The following GSDMD variants were observed in gnomAD, a reference collection of about 807,000 sequenced individuals.
GSDMD encodes the protein gasdermin D.
A neutral mutation model predicts 46.7 loss-of-function variants in GSDMD; 46 were observed. The observed-to-expected ratio is 0.99, with a 90% CI of 0.78 to 1.26. The LOEUF (loss-of-function observed/expected upper bound fraction) is 1.26. GSDMD is among the 50% of genes most tolerant of loss of function. The pLI, the probability that GSDMD is intolerant of heterozygous loss-of-function variation, is 0.00. For missense variants in GSDMD, 649 were observed against 638.8 expected, an observed-to-expected ratio of 1.02 and a Z score of -0.17; for synonymous variants, 307 against 283.1, an observed-to-expected ratio of 1.08 and a Z score of -0.85.
upstream of GSDMD, chr8:143,558,219 G>C: frequency 8.5e-7 from 1 of 1,173,682 alleles, no homozygotes; most frequent in Non-Finnish European, 1.1e-6. Context: ...GCCAAGCCAA[G>C]GTTCCTCCGG....
chr8:143,553,581 C>T (rs1317025878), upstream of GSDMD: 1 of 146,944 alleles, frequency 6.8e-6, no homozygotes, highest in African/African-American at 2.4e-5. Flanking sequence ...AGGGTTCTGC[C>T]CTCAACACTT....
Position 143,562,323 on chromosome 8 carries a change from G to A in GSDMD, c.1111G>A (p.Val371Ile). 1.4e-6 allele frequency: 2 copies of A among 1,444,122 alleles called. No homozygotes were observed. The highest frequency in any genetic ancestry group is 1.8e-6 in the Non-Finnish European group (2 of 1,081,632). The allele number at this position is 1,444,122 out of a possible 1,614,324, so 89.5% of individuals were successfully genotyped here. ...GMLVPELAIP[V>I]VYLLGALTML... ...GCTGGTGCCGGAACTCGCTATCCCT[G>A]TTGTCTACCTGCTGGGGGCACTGAC... Residue 371 changes from valine to isoleucine, a missense_variant, in exon 9 of 11, where the codon GTT becomes ATT. Physicochemically the swap from Val to Ile is conservative, Grantham distance 29. Coordinates refer to ENST00000262580, the MANE Select transcript of GSDMD (RefSeq NM_024736.7).
chr8:143,555,395 TC>T (rs1212195245), upstream of GSDMD, among the ~76,000 whole-genome samples: 2 of 152,148 alleles, frequency 1.3e-5, no homozygotes, highest in Non-Finnish European at 2.9e-5. Context: ...CCTGGACACC[TC>T]CAGCTGGGCT....
chr8:143,561,554 C>A, intron 6 of GSDMD, 131 bp downstream of exon 6: 1 of 971,896 alleles, frequency 1.0e-6, no homozygotes, highest in Non-Finnish European at 1.5e-6. Context: ...GGGCACCCCC[C>A]ATACACACAC....
intron 2 of GSDMD, 48 bp downstream of exon 2, chr8:143,559,600 G>A: frequency 6.4e-7 from 1 of 1,563,960 alleles, no homozygotes; most frequent in Non-Finnish European, 8.7e-7. Context: ...CTGGATGGGA[G>A]AGGGGAGCGG....
chr8:143,560,783 G>A lies in GSDMD; in HGVS notation c.579+12G>A, dbSNP rs1410357087. On this transcript the variant is annotated intron_variant, in intron 4 of 10. Transcript: ENST00000262580. Reference sequence around the variant, plus strand: ...CCACGTGCTTGCAGGTGTGTAGCCAGCCCCGGGCCACGCCTGGCCCCCCAC... The same window carrying A: ...CCACGTGCTTGCAGGTGTGTAGCCAACCCCGGGCCACGCCTGGCCCCCCAC... 1 of 1,519,980 alleles carries A rather than the reference G, an allele frequency of 6.6e-7. No homozygotes were observed. Among genetic ancestry groups the A allele is most frequent in the African/African-American group, 1.4e-5 (1 of 72,048 alleles). The allele number at this position is 1,519,980 out of a possible 1,614,324, so 94.2% of individuals were successfully genotyped here. A position where few individuals can be genotyped will look rare whatever the true frequency, so the allele number is the denominator to read the frequency against.
At position 143,562,848 on chromosome 8, in the gene GSDMD, T is replaced by A. The variant is rs1442835277; in HGVS notation, c.1399T>A (p.Cys467Ser). ...GGAGCCGCAGGCCCAGGGCCGCATGTGTGCACTCTACGCCTCCCTGGCACT... is the reference window on the plus strand; with the variant it reads ...GGAGCCGCAGGCCCAGGGCCGCATGAGTGCACTCTACGCCTCCCTGGCACT... ...CWEPQAQGRM[C>S]ALYASLALLS... Residue 467 changes from cysteine (C) to serine (S), a missense_variant, in exon 11 of 11, where the codon TGT becomes AGT. By Grantham distance (112) the Cys-to-Ser change is moderately radical. Transcript: ENST00000262580. 6.2e-7 allele frequency: 1 copy of A among 1,612,348 alleles called. No individual in the cohort carries two copies. Among genetic ancestry groups the A allele is most frequent in the Admixed American group, 1.7e-5 (1 of 59,988 alleles).
chr8:143,557,147 C>T (rs146176249), upstream of GSDMD, among the ~76,000 whole-genome samples: 976 of 152,360 alleles, frequency 6.4e-3, 10 homozygotes, highest in Middle Eastern at 0.02. Flanking sequence ...AAGTCTGTGT[C>T]GCCCGTCTGT....
In GSDMD at chr8:143,562,815, G is replaced by A. The variant is rs1481272520; in HGVS notation, c.1366G>A (p.Val456Met). ...GLELGEDTPH[V>M]CWEPQAQGRM... ...AGAGCTGGGGGAGGACACTCCCCAC[G>A]TGTGCTGGGAGCCGCAGGCCCAGGG... Residue 456 changes from valine to methionine, a missense_variant, in exon 11 of 11, where the codon GTG becomes ATG. Val to Met is a conservative substitution (Grantham distance 21). Transcript: ENST00000262580. 12 of 1,607,126 alleles carry A rather than the reference G, an allele frequency of 7.5e-6. No individual in the cohort carries two copies. The East Asian group carries it at 9.0e-5, about 12-fold the overall frequency.
rs757347159 is a variant in GSDMD, at chr8:143,561,705, G to A, written c.737-37G>A. The stretch of plus-strand genomic sequence containing the variant: ...TCTCTGGCTCAGACACCCTTCCCCG[G>A]CACTGACCAGCCCTGCCCTCCCATG... On this transcript the variant is annotated intron_variant, in intron 6 of 10. Transcript: ENST00000262580. The A allele has an allele frequency of 3.2e-6, 5 of 1,539,306 alleles. No homozygotes were observed. The South Asian group carries it at 3.5e-5, about 11-fold the overall frequency.
upstream of GSDMD, among the ~76,000 whole-genome samples, chr8:143,557,379 C>CCGCTATGAT (rs1563902768): frequency 1.9e-4 from 20 of 106,320 alleles, no homozygotes; most frequent in East Asian, 3.8e-4. Flanking sequence ...GCCGCTATGG[C>CCGCTATGAT]GAAGGATGAT....
chr8:143,561,425 T>A lies in GSDMD; in HGVS notation c.736+2T>A. ...GGACCTTCCAGCCACCCGCGACAGG[T>A]GAGAGCCGAGAGCCCCCAGCATGGG... On this transcript the variant is annotated splice_donor_variant, in intron 6 of 10. Coordinates refer to ENST00000262580, the MANE Select transcript of GSDMD (RefSeq NM_024736.7). LOFTEE classifies it high-confidence loss of function. The A allele has an allele frequency of 6.2e-7, 1 of 1,610,852 alleles. No individual in the cohort carries two copies. The highest frequency in any genetic ancestry group is 8.5e-7 in the Non-Finnish European group (1 of 1,179,256).
chr8:143,556,094 C>G (rs1040700367), upstream of GSDMD: 2 of 152,134 alleles, frequency 1.3e-5, no homozygotes, highest in Non-Finnish European at 2.9e-5. Context: ...ACCTGTAATC[C>G]AAGATACTCG....
upstream of GSDMD, among the ~76,000 whole-genome samples, chr8:143,556,509 C>T (rs60079230): frequency 0.019 from 2,869 of 152,360 alleles, 30 homozygotes; most frequent in Non-Finnish European, 0.028. Context: ...TGTGCCACTG[C>T]ACTCCAGCCT....
rs1266831914 is a variant in GSDMD at position 143,562,786 on chromosome 8, G to A, written c.1337G>A (p.Gly446Asp). 6.3e-7 allele frequency: 1 copy of A among 1,596,848 alleles called. No homozygotes were observed. The highest frequency in any genetic ancestry group is 8.5e-7 in the Non-Finnish European group (1 of 1,172,354). ...GCCTGGGTCTTGCTGGACGAGTGTG[G>A]CCTAGAGCTGGGGGAGGACACTCCC... ...APAWVLLDEC[G>D]LELGEDTPHV... The change falls in exon 11 of 11, where the codon GGC (glycine) becomes GAC (aspartate). Residue 446 changes from glycine to aspartate, a missense_variant. Gly to Asp is a moderately conservative substitution (Grantham distance 94). Coordinates refer to ENST00000262580, the MANE Select transcript of GSDMD (RefSeq NM_024736.7).
At chr8:143,557,731 C>T (rs1003242834), upstream of GSDMD, among the ~76,000 whole-genome samples, 8 of 152,204 alleles carry the variant, frequency 5.3e-5, no homozygotes, top group African/African-American at 1.7e-4. Flanking sequence ...TTTAGTAATA[C>T]GACCATCTTT....
chr8:143,560,058 G>T, intron 3 of GSDMD, 89 bp downstream of exon 3: 1 of 1,288,794 alleles, frequency 7.8e-7, no homozygotes, highest in Non-Finnish European at 1.1e-6. Context: ...ATTATTTTTT[G>T]AGGTGAGGTT....
chr8:143,562,964 G>C lies in GSDMD; in HGVS notation c.*60G>C, dbSNP rs945390908. 6.2e-7 allele frequency: 1 copy of C among 1,601,994 alleles called. No homozygotes were observed. Among genetic ancestry groups the C allele is most frequent in the African/African-American group, 1.3e-5 (1 of 74,872 alleles). On this transcript the variant is annotated 3_prime_UTR_variant, in exon 11 of 11. Coordinates refer to ENST00000262580, the MANE Select transcript of GSDMD (RefSeq NM_024736.7). ...AGGGCAGAGTGTTTGCCCACCAGCT[G>C]CTAGCCCTAGGAAGGCCAGGAGCCC... is the stretch of plus-strand genomic sequence containing the variant.
Position 143,562,461 on chromosome 8 carries a change from G to T in GSDMD, c.1152G>T (p.Thr384=). The stretch of plus-strand genomic sequence containing the variant: ...ACTCTCTCCCAGTGCTGAGTGAAAC[G>T]CAGCACAAGCTGCTGGCGGAGGCGC... ...LLGALTMLSE[T]QHKLLAEALE... Residue 384 remains threonine (T), a synonymous_variant, in exon 10 of 11, where the codon ACG becomes ACT. Transcript: ENST00000262580. The T allele has an allele frequency of 6.2e-7, 1 of 1,608,788 alleles. No homozygotes were observed. The highest frequency in any genetic ancestry group is 8.5e-7 in the Non-Finnish European group (1 of 1,179,424).
Sources: gnomAD v4.1 joint callset for allele counts (sites outside exome capture counted in the v4.1 genomes callset) on GRCh38, gnomAD v4.1.1 for gene constraint, MANE v1.5 for transcripts, NCBI Gene and HGNC (gene_info 2026-07-23, HGNC 2026-07-21) for gene names.